The following STK3 variants were observed in gnomAD, a reference collection of about 807,000 sequenced individuals.
STK3 encodes the protein serine/threonine kinase 3.
In STK3, 41 loss-of-function variants were observed where a neutral mutation model predicts 58.0. The observed-to-expected ratio is 0.71, with a 90% CI of 0.55 to 0.92. STK3 has a LOEUF of 0.92. Ranked by LOEUF, STK3 falls within the 40% of genes least tolerant of loss-of-function variation. STK3 has a pLI of 0.00. For missense variants in STK3, 479 were observed against 602.7 expected, an observed-to-expected ratio of 0.79 and a Z score of 2.15; for synonymous variants, 170 against 191.0, an observed-to-expected ratio of 0.89 and a Z score of 0.91.
chr8:98,480,381 A>T lies in STK3; in HGVS notation c.1318-24381T>A, dbSNP rs139832027. ...ATGAAGTCCAGAAGACACCTGGAAC[A>T]ATATTTTAAACTTTCTGAGATAGGA... is the stretch of plus-strand genomic sequence containing the variant. On this transcript the variant is annotated intron_variant, in intron 10 of 10. Transcript: ENST00000419617. Among the ~76,000 whole-genome samples, 755 of 152,306 alleles carry T rather than the reference A, an allele frequency of 5.0e-3. 3 individuals carry two copies. The highest frequency in any genetic ancestry group is 7.6e-3 in the Non-Finnish European group (514 of 68,022).
intron 3 of STK3, among the ~76,000 whole-genome samples, chr8:98,878,048 A>G (rs1837622744): frequency 6.6e-6 from 1 of 150,830 alleles, no homozygotes; most frequent in Non-Finnish European, 1.5e-5. Flanking sequence ...AACAACAACA[A>G]CAAAAGAAAA....
chr8:98,480,598 T>C (rs1179809813), intron 10 of STK3, among the ~76,000 whole-genome samples: 1 of 151,968 alleles, frequency 6.6e-6, no homozygotes, highest in Non-Finnish European at 1.5e-5. Flanking sequence ...CCTCTTCAAA[T>C]AGACCATGGA....
At chr8:98,685,785 A>C (rs1823944783) in intron 6 of STK3, among the ~76,000 whole-genome samples, 1 of 152,092 alleles carries the variant, frequency 6.6e-6, no homozygotes, top group South Asian at 2.1e-4. Flanking sequence ...AGGAAACCAA[A>C]GGTAGAGAGG....
chr8:98,618,760 A>C (rs1377082155), intron 6 of STK3, among the ~76,000 whole-genome samples: 14 of 145,684 alleles, frequency 9.6e-5, no homozygotes, highest in Admixed American at 8.8e-4. Context: ...CTTACAAGGG[A>C]TGTGAAGGAC....
chr8:98,938,199 C>T (rs1347710611), intron 1 of STK3, among the ~76,000 whole-genome samples: 1 of 151,984 alleles, frequency 6.6e-6, no homozygotes, highest in African/African-American at 2.4e-5. Flanking sequence ...TGACAAGAGG[C>T]TTCCAGTTAG....
chr8:98,665,929 T>G (rs921660051), intron 6 of STK3, among the ~76,000 whole-genome samples: 4 of 151,728 alleles, frequency 2.6e-5, no homozygotes, highest in Non-Finnish European at 4.4e-5. Context: ...GGTCTCGATC[T>G]CCTGACCTCG....
At chr8:98,686,361 T>G (rs938399274) in intron 6 of STK3, among the ~76,000 whole-genome samples, 1 of 152,240 alleles carries the variant, frequency 6.6e-6, no homozygotes, top group Non-Finnish European at 1.5e-5. Flanking sequence ...ATTGCCTTTA[T>G]GTTAGAATAT....
chr8:98,603,526 C>A (rs943293951), intron 6 of STK3, among the ~76,000 whole-genome samples: 1 of 152,036 alleles, frequency 6.6e-6, no homozygotes, highest in Non-Finnish European at 1.5e-5. Context: ...TGTGAGCCAC[C>A]GCACCTGGCC....
intron 10 of STK3, among the ~76,000 whole-genome samples, chr8:98,468,318 G>T (rs1810670133): frequency 6.6e-6 from 1 of 152,188 alleles, no homozygotes; most frequent in African/African-American, 2.4e-5. Flanking sequence ...CTCAATTTTA[G>T]AATGGCATGG....
At chr8:98,607,450 T>C (rs1309052759) in intron 6 of STK3, among the ~76,000 whole-genome samples, 1 of 152,262 alleles carries the variant, frequency 6.6e-6, no homozygotes, top group African/African-American at 2.4e-5. Flanking sequence ...TTCTTCATTG[T>C]CATGCATTCA....
chr8:98,775,950 C>A (rs944408587), intron 1 of STK3, among the ~76,000 whole-genome samples: 1 of 152,102 alleles, frequency 6.6e-6, no homozygotes, highest in South Asian at 2.1e-4. Context: ...AGGCTGATTG[C>A]AGAAATTTAA....
chr8:98,461,074 T>C (rs186181514), intron 10 of STK3, among the ~76,000 whole-genome samples: 1 of 152,332 alleles, frequency 6.6e-6, no homozygotes, highest in East Asian at 1.9e-4. Context: ...TGTCTAGTGC[T>C]GCCAGTGGAG....
intron 3 of STK3, among the ~76,000 whole-genome samples, chr8:98,835,617 G>A (rs929044649): frequency 5.3e-5 from 8 of 152,148 alleles, no homozygotes; most frequent in African/African-American, 7.2e-5. Context: ...CCGAGTGCCC[G>A]CATTGAGACA....
At chr8:98,861,152 C>T (rs1414030034) in intron 3 of STK3, among the ~76,000 whole-genome samples, 3 of 152,106 alleles carry the variant, frequency 2.0e-5, no homozygotes, top group African/African-American at 7.2e-5. Context: ...AGGGTACTGT[C>T]CAGGGCTGGG....
intron 3 of STK3, among the ~76,000 whole-genome samples, chr8:98,874,344 T>C (rs574780713): frequency 1.1e-4 from 17 of 152,236 alleles, no homozygotes; most frequent in African/African-American, 3.9e-4. Context: ...TCTCAAGGAG[T>C]ATCTTTGTGG....
intron 1 of STK3, among the ~76,000 whole-genome samples, chr8:98,443,538 ATTGG>A (rs555743285): frequency 9.2e-5 from 14 of 152,202 alleles, no homozygotes; most frequent in Non-Finnish European, 1.9e-4. Context: ...GTAGTTAAAA[ATTGG>A]GTTTCTAAGG....
chr8:98,382,045 C>A (rs1419191076), intron 1 of STK3, among the ~76,000 whole-genome samples: 1 of 152,236 alleles, frequency 6.6e-6, no homozygotes, highest in Non-Finnish European at 1.5e-5. Flanking sequence ...ATTTACCTCA[C>A]TCTAAAGGGG....
intron 8 of STK3, among the ~76,000 whole-genome samples, chr8:98,571,398 C>T (rs577986908): frequency 6.6e-6 from 1 of 151,934 alleles, no homozygotes; most frequent in Non-Finnish European, 1.5e-5. Flanking sequence ...GAGGGGAAGG[C>T]GGGGGAAGTT....
intron 1 of STK3, chr8:98,782,212 G>T: frequency 5.4e-6 from 1 of 184,288 alleles, no homozygotes; most frequent in Non-Finnish European, 1.1e-5. Flanking sequence ...GCGACTGTCC[G>T]TTCCTGGGCT....
Sources: gnomAD v4.1 joint callset for allele counts (sites outside exome capture counted in the v4.1 genomes callset) on GRCh38, gnomAD v4.1.1 for gene constraint, MANE v1.5 for transcripts, NCBI Gene and HGNC (gene_info 2026-07-23, HGNC 2026-07-21) for gene names.